Variants in DLG2 observed in about 807,000 individuals in gnomAD.
The protein encoded by DLG2 is disks large homolog 2.
DLG2 carries 45 observed loss-of-function variants against 132.5 expected under a neutral mutation model. The observed-to-expected ratio is 0.34, with a 90% CI of 0.27 to 0.44. The LOEUF is 0.44. Ranked by LOEUF, DLG2 falls within the 20% of genes least tolerant of loss-of-function variation. DLG2 has a pLI of 1.00. For synonymous variants in DLG2, 424 were observed against 419.6 expected, an observed-to-expected ratio of 1.01 and a Z score of -0.13; for missense variants, 1,045 against 1,196.9, an observed-to-expected ratio of 0.87 and a Z score of 1.87.
intron 21 of DLG2, among the ~76,000 whole-genome samples, chr11:83,529,196 T>G (rs2095678842): frequency 6.6e-6 from 1 of 152,134 alleles, no homozygotes; most frequent in African/African-American, 2.4e-5. Flanking sequence ...CCTCCTCACT[T>G]TATGCTGAAT....
At position 83,589,589 on chromosome 11, in the gene DLG2, G is replaced by A. The variant is rs1283936470; in HGVS notation, c.1940+43622C>T. Among the ~76,000 whole-genome samples the A allele has an allele frequency of 4.8e-5, 7 of 146,440 alleles. No individual in the cohort carries two copies. In the South Asian group the frequency reaches 1.6e-3, roughly 33 times the overall value. ...AGGAAGAAACTGCATCAACTAACGA[G>A]CAAAATCACCAGCTAACATCATAAT... On this transcript the variant is annotated intron_variant, in intron 19 of 27. Coordinates refer to ENST00000376104, the MANE Select transcript of DLG2 (RefSeq NM_001142699.3).
At chr11:84,878,377 G>C (rs565648265) in intron 6 of DLG2, among the ~76,000 whole-genome samples, 2 of 152,098 alleles carry the variant, frequency 1.3e-5, no homozygotes, top group South Asian at 4.1e-4. Context: ...GTATGAAGCC[G>C]TAAAAAGGAT....
At chr11:84,496,866 T>TA (rs1256229738) in intron 7 of DLG2, among the ~76,000 whole-genome samples, 1 of 152,126 alleles carries the variant, frequency 6.6e-6, no homozygotes, top group Non-Finnish European at 1.5e-5. Context: ...CTGGACATGG[T>TA]AAAAAACTGA....
chr11:84,076,325 C>T (rs2096829678), intron 10 of DLG2, among the ~76,000 whole-genome samples: 1 of 152,138 alleles, frequency 6.6e-6, no homozygotes, highest in Non-Finnish European at 1.5e-5. Context: ...ACACATCTTC[C>T]TAGGACACCT....
chr11:84,801,360 G>A (rs545316508), intron 6 of DLG2, among the ~76,000 whole-genome samples: 2 of 152,238 alleles, frequency 1.3e-5, no homozygotes, highest in South Asian at 4.1e-4. Flanking sequence ...ACGAGGTCAG[G>A]AGATCAAGAC....
intron 7 of DLG2, among the ~76,000 whole-genome samples, chr11:84,399,210 T>C (rs907014884): frequency 4.6e-5 from 7 of 152,166 alleles, no homozygotes; most frequent in African/African-American, 1.7e-4. Flanking sequence ...TCCTCTTCAC[T>C]ACCCTGCTAG....
At chr11:84,514,486 T>C (rs900455799) in intron 7 of DLG2, among the ~76,000 whole-genome samples, 4 of 152,040 alleles carry the variant, frequency 2.6e-5, no homozygotes, top group Non-Finnish European at 5.9e-5. Flanking sequence ...GTAGTACTTA[T>C]ATACAATAGA....
intron 16 of DLG2, among the ~76,000 whole-genome samples, chr11:83,848,852 T>C: frequency 6.6e-6 from 1 of 152,216 alleles, no homozygotes; most frequent in East Asian, 1.9e-4. Context: ...CTGTTTGGAA[T>C]GCCCATCTCC....
intron 11 of DLG2, among the ~76,000 whole-genome samples, chr11:84,050,274 C>G (rs756052286): frequency 6.6e-6 from 1 of 150,946 alleles, no homozygotes; most frequent in Admixed American, 6.7e-5. Context: ...TATTATAGTA[C>G]GCCAGATAAG....
intron 22 of DLG2, among the ~76,000 whole-genome samples, chr11:83,481,501 CA>C (rs750726920): frequency 6.6e-6 from 1 of 151,988 alleles, no homozygotes; most frequent in Non-Finnish European, 1.5e-5. Context: ...TATTCTCTAA[CA>C]ATAAAAAAGT....
intron 3 of DLG2, among the ~76,000 whole-genome samples, chr11:85,500,930 T>C (rs1298136262): frequency 1.3e-5 from 2 of 152,188 alleles, no homozygotes; most frequent in African/African-American, 2.4e-5. Flanking sequence ...TTAAATTTCA[T>C]ATGCAACCAT....
chr11:83,933,868 C>T (rs1000578853), intron 14 of DLG2, among the ~76,000 whole-genome samples: 3 of 152,124 alleles, frequency 2.0e-5, no homozygotes, highest in Non-Finnish European at 4.4e-5. Flanking sequence ...TTGGATTCTC[C>T]TATGGAAGGT....
intron 14 of DLG2, among the ~76,000 whole-genome samples, chr11:83,951,387 A>AAT (rs1321885521): frequency 6.6e-6 from 1 of 152,100 alleles, no homozygotes; most frequent in African/African-American, 2.4e-5. Context: ...ACAACAAACA[A>AAT]ATACTCAAAT....
intron 7 of DLG2, among the ~76,000 whole-genome samples, chr11:84,334,756 C>T (rs1371215905): frequency 6.6e-6 from 1 of 152,028 alleles, no homozygotes; most frequent in Admixed American, 6.6e-5. Context: ...GAATAAATAA[C>T]CTCAGAGATA....
chr11:84,715,786 T>C (rs947779059), intron 6 of DLG2, among the ~76,000 whole-genome samples: 2 of 152,158 alleles, frequency 1.3e-5, no homozygotes, highest in African/African-American at 2.4e-5. Flanking sequence ...CCACAATTTC[T>C]TCATCCATTT....
chr11:85,085,039 C>A (rs577689675), intron 6 of DLG2, among the ~76,000 whole-genome samples: 10 of 152,224 alleles, frequency 6.6e-5, no homozygotes, highest in African/African-American at 2.4e-4. Flanking sequence ...GTATATCTAC[C>A]TCCAAAGGAA....
At chr11:84,931,722 T>A (rs1233656299) in intron 6 of DLG2, among the ~76,000 whole-genome samples, 2 of 152,220 alleles carry the variant, frequency 1.3e-5, no homozygotes, top group African/African-American at 4.8e-5. Context: ...ATTTACTACT[T>A]TACTCTCCTA....
At chr11:84,665,292 T>A (rs978564633) in intron 6 of DLG2, among the ~76,000 whole-genome samples, 2 of 152,104 alleles carry the variant, frequency 1.3e-5, no homozygotes, top group African/African-American at 4.8e-5. Flanking sequence ...TGTGTTAAAT[T>A]ATTTAATCCC....
chr11:84,554,959 T>C (rs530562377), intron 6 of DLG2, among the ~76,000 whole-genome samples: 1 of 152,130 alleles, frequency 6.6e-6, no homozygotes, highest in African/African-American at 2.4e-5. Context: ...AGAATCTTTG[T>C]GTTGGAAAAG....
Sources: gnomAD v4.1 joint callset for allele counts (sites outside exome capture counted in the v4.1 genomes callset) on GRCh38, gnomAD v4.1.1 for gene constraint, MANE v1.5 for transcripts, NCBI Gene and HGNC (gene_info 2026-07-23, HGNC 2026-07-21) for gene names.